FBXW10B: variants seen among roughly 807,000 people sequenced by gnomAD.
FBXW10B encodes F-box and WD repeat domain containing 10B, also known as F-box and WD repeat domain containing protein 10B.
chr17:15,567,147 C>T, the FBXW10B span, among the ~76,000 whole-genome samples: 2 of 151,696 alleles, frequency 1.3e-5, no homozygotes, highest in East Asian at 2.0e-4. Flanking sequence ...TGGCAGGCGC[C>T]TGTAATCCTA....
the FBXW10B span, chr17:15,598,670 A>G: frequency 1.2e-6 from 2 of 1,607,220 alleles, no homozygotes; most frequent in Non-Finnish European, 8.5e-7. Context: ...GAATCAGGCC[A>G]AAAGAATGTG....
the FBXW10B span, among the ~76,000 whole-genome samples, chr17:15,592,858 G>A: frequency 2.0e-5 from 3 of 152,030 alleles, no homozygotes; most frequent in African/African-American, 7.2e-5. Context: ...TAATCCCAGC[G>A]CTTTGGGAGG....
chr17:15,579,455 A>G, the FBXW10B span, among the ~76,000 whole-genome samples: 2 of 152,208 alleles, frequency 1.3e-5, no homozygotes, highest in Non-Finnish European at 2.9e-5. Flanking sequence ...TTTTCTGTAG[A>G]GGCTTTCTCC....
the FBXW10B span, among the ~76,000 whole-genome samples, chr17:15,608,162 A>AT: frequency 0.19 from 25,218 of 131,716 alleles, 3,065 homozygotes; most frequent in African/African-American, 0.32. Context: ...ATGCATTTGC[A>AT]TTTTTTTTTT....
chr17:15,615,692 G>A, the FBXW10B span: 1 of 1,613,726 alleles, frequency 6.2e-7, no homozygotes, highest in African/African-American at 1.3e-5. Context: ...TGGGGCTTTG[G>A]ACAAAGGAAG....
the FBXW10B span, chr17:15,569,185 T>G: frequency 2.4e-6 from 1 of 424,984 alleles, no homozygotes; most frequent in Non-Finnish European, 3.2e-6. Context: ...AAATGGTAGT[T>G]CTATTTTTAG....
chr17:15,599,999 G>A, the FBXW10B span, among the ~76,000 whole-genome samples: 21 of 151,864 alleles, frequency 1.4e-4, no homozygotes, highest in East Asian at 1.6e-3. Flanking sequence ...AGCAGATCAC[G>A]AGGTCAGGAG....
chr17:15,597,850 CACAAG>C, the FBXW10B span, among the ~76,000 whole-genome samples: 5 of 152,196 alleles, frequency 3.3e-5, no homozygotes, highest in Non-Finnish European at 7.3e-5. Flanking sequence ...TGCTCATCGT[CACAAG>C]ACAAGTACTA....
the FBXW10B span, among the ~76,000 whole-genome samples, chr17:15,605,772 G>A: frequency 5.3e-5 from 8 of 151,978 alleles, no homozygotes; most frequent in South Asian, 1.5e-3. Flanking sequence ...AACATCAGAG[G>A]AACACAGTTG....
the FBXW10B span, among the ~76,000 whole-genome samples, chr17:15,609,858 T>C: frequency 3.8e-4 from 52 of 137,892 alleles, no homozygotes; most frequent in Non-Finnish European, 6.3e-4. Flanking sequence ...CTTTCTTTTT[T>C]TTTTTTTTTT....
the FBXW10B span, chr17:15,594,950 T>A: frequency 1.2e-6 from 2 of 1,603,312 alleles, no homozygotes; most frequent in South Asian, 2.2e-5. Context: ...GAACCAAAGC[T>A]GAGCCTTCTT....
the FBXW10B span, chr17:15,565,723 A>G: frequency 6.2e-7 from 1 of 1,613,906 alleles, no homozygotes; most frequent in East Asian, 2.2e-5. Context: ...CTCCTCCTTC[A>G]CGGTCAACAG....
the FBXW10B span, chr17:15,607,449 T>C: frequency 2.8e-6 from 2 of 723,472 alleles, no homozygotes; most frequent in Non-Finnish European, 4.6e-6. Flanking sequence ...TGTGCGAGTT[T>C]AGGGCTGGAG....
At chr17:15,616,811 C>CAA in the FBXW10B span, among the ~76,000 whole-genome samples, 109 of 63,626 alleles carry the variant, frequency 1.7e-3, no homozygotes, top group Non-Finnish European at 2.4e-3. Flanking sequence ...GACTCTGTCT[C>CAA]AAAAAAAAAA....
the FBXW10B span, among the ~76,000 whole-genome samples, chr17:15,587,523 C>T: frequency 6.6e-6 from 1 of 151,550 alleles, no homozygotes; most frequent in Admixed American, 6.6e-5. Flanking sequence ...AATTCTCCAT[C>T]AAGTCACTTC....
the FBXW10B span, among the ~76,000 whole-genome samples, chr17:15,602,311 G>A: frequency 6.6e-6 from 1 of 152,054 alleles, no homozygotes. Context: ...ATGTGATAAA[G>A]ATAGCACCTC....
chr17:15,579,640 G>A, the FBXW10B span, among the ~76,000 whole-genome samples: 2 of 152,128 alleles, frequency 1.3e-5, no homozygotes, highest in Admixed American at 6.5e-5. Flanking sequence ...ATTAATTTTT[G>A]TCTAAACTAA....
At chr17:15,613,686 C>T in the FBXW10B span, 20 of 1,602,896 alleles carry the variant, frequency 1.2e-5, no homozygotes, top group Non-Finnish European at 1.4e-5. Flanking sequence ...TGAGCCATGG[C>T]GGCCCAGTGC....
chr17:15,609,987 G>C, the FBXW10B span, among the ~76,000 whole-genome samples: 1 of 150,154 alleles, frequency 6.7e-6, no homozygotes, highest in African/African-American at 2.5e-5. Flanking sequence ...CAGCCTCCCG[G>C]GTAGCTGGGA....
Sources: gnomAD v4.1 joint callset for allele counts (sites outside exome capture counted in the v4.1 genomes callset) on GRCh38, gnomAD v4.1.1 for gene constraint, MANE v1.5 for transcripts, NCBI Gene and HGNC (gene_info 2026-07-23, HGNC 2026-07-21) for gene names.